Variants in GABRA2 observed in about 807,000 individuals in gnomAD.
The protein encoded by GABRA2 is gamma-aminobutyric acid type A receptor subunit alpha2, also known as gamma-aminobutyric acid receptor subunit alpha-2.
Under a neutral mutation model 48.7 loss-of-function variants are expected in GABRA2, and 16 were observed. The observed-to-expected ratio is 0.33, with a 90% confidence interval of 0.22 to 0.50. GABRA2 has a LOEUF of 0.50. Among genes scored for constraint, GABRA2 ranks in the 20% least tolerant of loss-of-function variants. The pLI is 0.98. For missense variants in GABRA2, 275 were observed against 535.6 expected (o/e 0.51, Z 4.80); for synonymous variants, 185 against 184.5 (o/e 1.00, Z -0.02).
At chr4:46,274,019 C>A (rs1054233658) in intron 8 of GABRA2, among the ~76,000 whole-genome samples, 1 of 151,966 alleles carries the variant, frequency 6.6e-6, no homozygotes, top group Non-Finnish European at 1.5e-5. Flanking sequence ...AGCGGGGGGG[C>A]AGAAGAATGT....
At chr4:46,284,789 T>TA (rs1722210548) in intron 8 of GABRA2, among the ~76,000 whole-genome samples, 2 of 152,070 alleles carry the variant, frequency 1.3e-5, no homozygotes, top group African/African-American at 4.8e-5. Flanking sequence ...TATTAATTTT[T>TA]TAAAAAAAAT....
At chr4:46,255,162 C>T (rs547708184) in intron 9 of GABRA2, among the ~76,000 whole-genome samples, 17 of 151,656 alleles carry the variant, frequency 1.1e-4, no homozygotes, top group African/African-American at 3.1e-4. Context: ...CTGTGTATTG[C>T]AGAGTTCCTA....
rs577470550 is a variant in GABRA2 at position 46,342,606 on chromosome 4, G to A, written c.188-9924C>T. 4.6e-5 allele frequency among the ~76,000 whole-genome samples: 7 copies of A among 151,856 alleles called. No homozygotes were observed. In the South Asian group the frequency reaches 1.4e-3, roughly 31 times the overall value. On this transcript the variant is annotated intron_variant, in intron 3 of 9. Transcript: ENST00000381620. ...TTCACAGACATTTACTTCTGCCTAC[G>A]AGGCCCTTGTCACAGAAGCATAGCT...
intron 8 of GABRA2, among the ~76,000 whole-genome samples, chr4:46,272,359 C>T (rs1387528261): frequency 6.6e-6 from 1 of 151,890 alleles, no homozygotes; most frequent in East Asian, 1.9e-4. Context: ...TTTATTGAAA[C>T]CACCCCACCA....
At chr4:46,369,095 A>G (rs1336547217) in intron 3 of GABRA2, 1 of 673,016 alleles carries the variant, frequency 1.5e-6, no homozygotes, top group Non-Finnish European at 2.7e-6. Context: ...CAATATGGGA[A>G]ATAGGGTAGG....
intron 8 of GABRA2, among the ~76,000 whole-genome samples, chr4:46,283,268 A>T (rs1428783924): frequency 6.6e-6 from 1 of 152,202 alleles, no homozygotes; most frequent in Non-Finnish European, 1.5e-5. Context: ...GAGCAGAAGA[A>T]GTCTTTTACC....
chr4:46,256,111 G>A, intron 9 of GABRA2: 1 of 438,508 alleles, frequency 2.3e-6, no homozygotes, highest in East Asian at 3.3e-5. Flanking sequence ...CTCATTACTT[G>A]TAAAATAACA....
intron 3 of GABRA2, among the ~76,000 whole-genome samples, chr4:46,346,298 C>A (rs184405080): frequency 4.3e-4 from 66 of 151,872 alleles, no homozygotes; most frequent in African/African-American, 1.5e-3. Context: ...ATCCTACTCC[C>A]AGTAGGCAGT....
intron 8 of GABRA2, among the ~76,000 whole-genome samples, chr4:46,287,578 A>G (rs1286895000): frequency 1.5e-5 from 2 of 137,408 alleles, no homozygotes; most frequent in Non-Finnish European, 3.1e-5. Flanking sequence ...GAATTGAACA[A>G]TGAGATCACA....
At chr4:46,325,983 G>T (rs983678708) in intron 4 of GABRA2, among the ~76,000 whole-genome samples, 1 of 151,806 alleles carries the variant, frequency 6.6e-6, no homozygotes, top group Non-Finnish European at 1.5e-5. Flanking sequence ...GCCTTGTAGG[G>T]TAGTTTGAAT....
intron 4 of GABRA2, among the ~76,000 whole-genome samples, chr4:46,313,261 C>A (rs1358730069): frequency 6.6e-6 from 1 of 151,382 alleles, no homozygotes; most frequent in Non-Finnish European, 1.5e-5. Context: ...ACTTTCAGAT[C>A]TGTATGAATC....
intron 6 of GABRA2, among the ~76,000 whole-genome samples, chr4:46,306,191 A>C (rs190951427): frequency 6.6e-6 from 1 of 152,372 alleles, no homozygotes; most frequent in Admixed American, 6.5e-5. Context: ...GCATTTCATT[A>C]GAATAAAAAG....
At chr4:46,292,852 C>T (rs968914651) in intron 8 of GABRA2, among the ~76,000 whole-genome samples, 4 of 152,158 alleles carry the variant, frequency 2.6e-5, no homozygotes, top group Non-Finnish European at 4.4e-5. Flanking sequence ...TTTGTGAGGG[C>T]AGCACCTCCA....
At chr4:46,339,413 T>G (rs903359697) in intron 3 of GABRA2, among the ~76,000 whole-genome samples, 10 of 151,780 alleles carry the variant, frequency 6.6e-5, no homozygotes, top group Non-Finnish European at 1.5e-4. Context: ...TTTTGTTTGC[T>G]CAGAAAGATA....
intron 8 of GABRA2, among the ~76,000 whole-genome samples, chr4:46,262,433 G>A (rs1717171524): frequency 1.3e-5 from 2 of 152,068 alleles, no homozygotes; most frequent in African/African-American, 2.4e-5. Context: ...GGATACCGAA[G>A]TAGAATTACC....
At chr4:46,265,738 G>A (rs1718082862) in intron 8 of GABRA2, among the ~76,000 whole-genome samples, 1 of 151,186 alleles carries the variant, frequency 6.6e-6, no homozygotes, top group Non-Finnish European at 1.5e-5. Flanking sequence ...TTTAGTTTGT[G>A]CTATTCTACT....
In GABRA2 at chr4:46,379,111, A is replaced by G. The variant is rs375440364; in HGVS notation, c.187+6963T>C. Among the ~76,000 whole-genome samples, 9 of 152,326 alleles carry G rather than the reference A, an allele frequency of 5.9e-5. 1 individual carries two copies. The highest frequency in any genetic ancestry group is 1.7e-4 in the African/African-American group (7 of 41,566). ...CTGCAGCAAGGAGTGGGCAAGCAAC[A>G]CACAGTGAGGTGTATGCAGAAACAA... On this transcript the variant is annotated intron_variant, in intron 3 of 9. Transcript: ENST00000381620.
intron 4 of GABRA2, among the ~76,000 whole-genome samples, chr4:46,328,676 TGTGCAGGTTAGTTAC>T: frequency 6.6e-6 from 1 of 152,152 alleles, no homozygotes; most frequent in East Asian, 1.9e-4. Context: ...ATGTGCACAT[TGTGCAGGTTAGTTAC>T]GTATGTATAC....
intron 3 of GABRA2, chr4:46,364,490 C>G (rs1423960453): frequency 6.6e-6 from 1 of 152,212 alleles, no homozygotes; most frequent in Non-Finnish European, 1.5e-5. Flanking sequence ...CTCAGATTCT[C>G]ACATGGCTGA....
Sources: allele counts gnomAD v4.1 joint callset (sites outside exome capture counted in the v4.1 genomes callset), GRCh38; gene constraint gnomAD v4.1.1; transcripts MANE v1.5; gene names NCBI Gene and HGNC (gene_info 2026-07-23, HGNC 2026-07-21).